Variants in STK24 observed in about 807,000 individuals in gnomAD.
STK24 encodes the protein serine/threonine-protein kinase 24.
STK24 carries 21 observed loss-of-function variants against 55.6 expected under a neutral mutation model. The observed-to-expected ratio is 0.38, with a 90% CI of 0.27 to 0.54. STK24 has a LOEUF of 0.54. STK24 is among the 20% of genes least tolerant of loss of function. STK24 has a pLI of 0.79. For missense variants in STK24, 383 were observed against 538.4 expected, an observed-to-expected ratio of 0.71 and a Z score of 2.86; for synonymous variants, 200 against 215.2, an observed-to-expected ratio of 0.93 and a Z score of 0.62.
intron 2 of STK24, among the ~76,000 whole-genome samples, chr13:98,496,005 G>GT (rs1327239929): frequency 6.6e-6 from 1 of 152,230 alleles, no homozygotes; most frequent in Admixed American, 6.5e-5. Flanking sequence ...TCTCCCAGAA[G>GT]TTGCAGCTGT....
intron 2 of STK24, among the ~76,000 whole-genome samples, chr13:98,486,789 C>T (rs553179355): frequency 3.9e-5 from 6 of 152,328 alleles, no homozygotes; most frequent in African/African-American, 9.6e-5. Flanking sequence ...CATTCTTCCT[C>T]GTCTTGGCTT....
At chr13:98,453,289 T>C in intron 10 of STK24, 80 bp from the exon 11 acceptor site, 1 of 1,421,574 alleles carries the variant, frequency 7.0e-7, no homozygotes, top group Non-Finnish European at 9.6e-7. Flanking sequence ...AACCAAAATC[T>C]TAGTTTTCAT....
intron 2 of STK24, among the ~76,000 whole-genome samples, chr13:98,491,119 C>T (rs1895013543): frequency 6.6e-6 from 1 of 152,178 alleles, no homozygotes; most frequent in African/African-American, 2.4e-5. Flanking sequence ...CACCAGTCCT[C>T]ACCACGTTCC....
intron 7 of STK24, among the ~76,000 whole-genome samples, chr13:98,463,314 A>C (rs187791419): frequency 1.3e-5 from 2 of 152,296 alleles, no homozygotes; most frequent in Admixed American, 1.3e-4. Context: ...CACAATACAG[A>C]ATCACAAACA....
intron 10 of STK24, chr13:98,456,236 A>G (rs1351085231): frequency 9.3e-6 from 3 of 321,992 alleles, no homozygotes; most frequent in Non-Finnish European, 1.9e-5. Context: ...CAGCCCCTTC[A>G]ATCACTTCCA....
At chr13:98,470,109 CT>C (rs899728512) in intron 5 of STK24, among the ~76,000 whole-genome samples, 14 of 152,276 alleles carry the variant, frequency 9.2e-5, no homozygotes, top group African/African-American at 3.4e-4. Flanking sequence ...TTGAGTTTGT[CT>C]ATTACTGCTT....
Position 98,446,785 on chromosome 13 carries a change from C to T in STK24, c.*6388G>A. Reference sequence around the variant, plus strand: ...TGCACTTCAAGTCCCACGTCTACTACTTCAGGGCGGAAAGCGAGTACACGT... The same window carrying T: ...TGCACTTCAAGTCCCACGTCTACTATTTCAGGGCGGAAAGCGAGTACACGT... On this transcript the variant is annotated 3_prime_UTR_variant, in exon 11 of 11. Transcript: ENST00000539966. The T allele has an allele frequency of 6.2e-7, 1 of 1,614,194 alleles. No homozygotes were observed. Among genetic ancestry groups the T allele is most frequent in the Non-Finnish European group, 8.5e-7 (1 of 1,180,030 alleles).
Position 98,445,931 on chromosome 13 carries a change from C to T in STK24, c.*7242G>A, listed in dbSNP as rs1487772214. The stretch of plus-strand genomic sequence containing the variant: ...CAAGGGGAAGTGATGAGATCAGGGT[C>T]CCAGGACCTGCCAAGTCTCCCCACA... On this transcript the variant is annotated 3_prime_UTR_variant, in exon 11 of 11. Coordinates refer to ENST00000539966, the MANE Select transcript of STK24 (RefSeq NM_001032296.4). 8.6e-6 allele frequency: 5 copies of T among 582,412 alleles called. No homozygotes were observed. Among genetic ancestry groups the T allele is most frequent in the Non-Finnish European group, 1.2e-5 (4 of 324,428 alleles). The allele number at this position is 582,412 out of a possible 1,614,324, so 36.1% of individuals were successfully genotyped here.
At chr13:98,541,109 T>C (rs1482013788) in intron 1 of STK24, among the ~76,000 whole-genome samples, 10 of 152,226 alleles carry the variant, frequency 6.6e-5, no homozygotes, top group African/African-American at 1.7e-4. Flanking sequence ...ACCTTAGTTA[T>C]AGACTAAGAG....
chr13:98,549,566 T>G (rs2139432656), intron 1 of STK24, among the ~76,000 whole-genome samples: 1 of 152,278 alleles, frequency 6.6e-6, no homozygotes, highest in Middle Eastern at 3.4e-3. Flanking sequence ...TGTTTAAAAG[T>G]GTGTGGCACC....
chr13:98,473,599 G>A (rs1027365338), intron 5 of STK24, among the ~76,000 whole-genome samples: 10 of 152,162 alleles, frequency 6.6e-5, no homozygotes, highest in Admixed American at 4.6e-4. Context: ...ACGTGGGGTA[G>A]AGACACTCCC....
At chr13:98,461,488 C>T (rs1382027620) in intron 8 of STK24, among the ~76,000 whole-genome samples, 1 of 152,234 alleles carries the variant, frequency 6.6e-6, no homozygotes, top group Non-Finnish European at 1.5e-5. Flanking sequence ...CGGGTCACCC[C>T]CAAACCCCAT....
chr13:98,484,744 G>A (rs192948521), intron 2 of STK24, among the ~76,000 whole-genome samples: 17 of 152,128 alleles, frequency 1.1e-4, no homozygotes, highest in Admixed American at 3.3e-4. Context: ...TTTCTGTGTC[G>A]CCCTGATCCT....
Position 98,446,996 on chromosome 13 carries a change from G to T in STK24, c.*6177C>A. On this transcript the variant is annotated 3_prime_UTR_variant, in exon 11 of 11. Coordinates refer to ENST00000539966, the MANE Select transcript of STK24 (RefSeq NM_001032296.4). ...CGATTCTGTTCTCATGGCAGAAAGT[G>T]GGGTCCCAACTTCCCTGCGCCCTTA... 1.6e-6 allele frequency: 1 copy of T among 640,234 alleles called. No individual in the cohort carries two copies. Among genetic ancestry groups the T allele is most frequent in the Non-Finnish European group, 2.7e-6 (1 of 374,706 alleles). 39.7% of individuals were successfully genotyped at this position (640,234 alleles called of 1,614,324 possible). A position where few individuals can be genotyped will look rare whatever the true frequency, so the allele number is the denominator to read the frequency against.
At chr13:98,532,029 G>A (rs773654841) in intron 1 of STK24, among the ~76,000 whole-genome samples, 8 of 152,280 alleles carry the variant, frequency 5.3e-5, no homozygotes, top group Admixed American at 3.9e-4. Flanking sequence ...AGCCTGGACC[G>A]ATTAAACCAG....
chr13:98,474,928 C>T lies in STK24; in HGVS notation c.490G>A (p.Gly164Ser). Residue 164 changes from glycine (G) to serine (S), a missense_variant, in exon 5 of 11, where the codon GGC (glycine) becomes AGC (serine). Transcript: ENST00000539966. ...EHGEVKLADF[G>S]VAGQLTDTQI... ...GTGTCTGTCAGCTGGCCAGCCACGC[C>T]AAAGTCCGCCAGCTTCACCTCGCCA... 6.2e-7 allele frequency: 1 copy of T among 1,614,098 alleles called. No individual in the cohort carries two copies. Among genetic ancestry groups the T allele is most frequent in the Non-Finnish European group, 8.5e-7 (1 of 1,179,992 alleles).
At chr13:98,565,148 A>G (rs1252797248) in intron 1 of STK24, among the ~76,000 whole-genome samples, 1 of 152,070 alleles carries the variant, frequency 6.6e-6, no homozygotes, top group African/African-American at 2.4e-5. Context: ...AGGATTCAGG[A>G]TTCTTTTTTG....
intron 2 of STK24, among the ~76,000 whole-genome samples, chr13:98,495,119 G>A (rs1566368198): frequency 6.6e-6 from 1 of 152,202 alleles, no homozygotes; most frequent in Non-Finnish European, 1.5e-5. Flanking sequence ...TTCAAGAAAG[G>A]GGCCTGGTTC....
rs114450219 is a variant in STK24 at position 98,474,285 on chromosome 13, C to T, written c.597+536G>A. ...CATGTTGACAAGGACAGGCTGGGAA[C>T]GAGAATCCTCAGAACTAAAAATAAT... is the stretch of plus-strand genomic sequence containing the variant. On this transcript the variant is annotated intron_variant, in intron 5 of 10. Transcript: ENST00000539966. 7.7e-3 allele frequency among the ~76,000 whole-genome samples: 1,170 copies of T among 152,276 alleles called. 13 individuals are homozygous for T. The highest frequency in any genetic ancestry group is 0.027 in the African/African-American group (1,114 of 41,536).
Sources: gnomAD v4.1 joint callset for allele counts (sites outside exome capture counted in the v4.1 genomes callset) on GRCh38, gnomAD v4.1.1 for gene constraint, MANE v1.5 for transcripts, NCBI Gene and HGNC (gene_info 2026-07-23, HGNC 2026-07-21) for gene names.